Variants in MAML3 observed in about 807,000 individuals in gnomAD.
MAML3 encodes the protein mastermind-like protein 3.
MAML3 carries 27 observed loss-of-function variants against 101.9 expected under a neutral mutation model. That is an observed-to-expected ratio of 0.27 (90% CI 0.20 to 0.37). The LOEUF (loss-of-function observed/expected upper bound fraction) is 0.37, where lower values mean the gene tolerates loss of function less well. Ranked by LOEUF, MAML3 falls within the 10% of genes least tolerant of loss-of-function variation. The probability of loss-of-function intolerance (pLI) is 1.00; values close to 1 mark genes in which losing one functional copy is unlikely to be tolerated. For missense variants in MAML3, 1,316 were observed against 1,444.9 expected, an observed-to-expected ratio of 0.91 and a Z score of 1.45; for synonymous variants, 501 against 555.9, an observed-to-expected ratio of 0.90 and a Z score of 1.39.
At chr4:139,738,718 A>G (rs989914990) in intron 2 of MAML3, among the ~76,000 whole-genome samples, 1 of 148,654 alleles carries the variant, frequency 6.7e-6, no homozygotes, top group Non-Finnish European at 1.5e-5. Flanking sequence ...AGGTACAGAG[A>G]AAAAAAAATG....
At chr4:139,723,255 T>C (rs1279292512) in intron 4 of MAML3, among the ~76,000 whole-genome samples, 6 of 152,140 alleles carry the variant, frequency 3.9e-5, no homozygotes. Context: ...AAGAATAGGA[T>C]TGATCATCTC....
At chr4:140,092,119 C>CGT (rs1728070215) in intron 1 of MAML3, among the ~76,000 whole-genome samples, 1 of 121,868 alleles carries the variant, frequency 8.2e-6, no homozygotes, top group South Asian at 2.8e-4. Flanking sequence ...TATATATATA[C>CGT]GTATATATAT....
chr4:139,948,387 TG>T (rs2110753027), intron 1 of MAML3, among the ~76,000 whole-genome samples: 1 of 152,360 alleles, frequency 6.6e-6, no homozygotes, highest in South Asian at 2.1e-4. Context: ...AACTGCCTCT[TG>T]GGCAATTAGA....
intron 1 of MAML3, among the ~76,000 whole-genome samples, chr4:140,055,334 T>A (rs920345248): frequency 7.2e-5 from 11 of 152,190 alleles, no homozygotes; most frequent in African/African-American, 2.4e-4. Context: ...GTATGTATGA[T>A]AAACCACCAG....
chr4:139,976,742 TTAAG>T (rs1229650572), intron 1 of MAML3, among the ~76,000 whole-genome samples: 1 of 152,254 alleles, frequency 6.6e-6, no homozygotes, highest in African/African-American at 2.4e-5. Context: ...ATTTGCTTAA[TTAAG>T]TTTGATTCTA....
At chr4:140,106,213 A>G (rs1484883676) in intron 1 of MAML3, among the ~76,000 whole-genome samples, 1 of 152,088 alleles carries the variant, frequency 6.6e-6, no homozygotes, top group Non-Finnish European at 1.5e-5. Context: ...TGTTTTTCCA[A>G]AAATCTTTCT....
intron 1 of MAML3, among the ~76,000 whole-genome samples, chr4:139,990,308 T>C (rs1734641377): frequency 6.6e-6 from 1 of 152,110 alleles, no homozygotes; most frequent in African/African-American, 2.4e-5. Context: ...ACCACATGAT[T>C]ATCTCAATAG....
chr4:139,719,917 A>G lies in MAML3; in HGVS notation c.2823T>C (p.Pro941=). 1 of 1,614,064 alleles carries G rather than the reference A, an allele frequency of 6.2e-7. No individual in the cohort carries two copies. Among genetic ancestry groups the G allele is most frequent in the Non-Finnish European group, 8.5e-7 (1 of 1,179,904 alleles). The change falls in exon 5 of 5, where the codon CCT becomes CCC. Residue 941 remains proline (P), a synonymous_variant. Transcript: ENST00000509479. ...QMKGPVGQAL[P]RPQAPPRLQS... is the part of the protein sequence containing the mutation. ...GCAGCCTTGGAGGGGCTTGGGGCCT[A>G]GGCAAGGCCTGGCCTACTGGCCCTT...
chr4:139,809,412 T>C (rs973627757), intron 2 of MAML3, among the ~76,000 whole-genome samples: 1 of 152,200 alleles, frequency 6.6e-6, no homozygotes, highest in East Asian at 1.9e-4. Flanking sequence ...TGTTTATTTT[T>C]TCACTGTACA....
At chr4:139,938,191 G>A (rs1483867258) in intron 1 of MAML3, among the ~76,000 whole-genome samples, 5 of 152,140 alleles carry the variant, frequency 3.3e-5, no homozygotes, top group African/African-American at 1.2e-4. Context: ...CAAACATTTT[G>A]AACTGCTCTC....
At chr4:139,995,451 G>A (rs959171751) in intron 1 of MAML3, among the ~76,000 whole-genome samples, 85 of 152,304 alleles carry the variant, frequency 5.6e-4, no homozygotes, top group African/African-American at 1.8e-3. Context: ...CAATCCACAA[G>A]TGAAGCCATC....
chr4:139,878,518 A>C (rs555922227), intron 2 of MAML3, among the ~76,000 whole-genome samples: 54 of 152,182 alleles, frequency 3.5e-4, no homozygotes, highest in African/African-American at 1.3e-3. Context: ...AATTTTCTAC[A>C]CCTGTGTCGA....
intron 1 of MAML3, among the ~76,000 whole-genome samples, chr4:139,991,755 G>A (rs1275020619): frequency 6.6e-6 from 1 of 152,012 alleles, no homozygotes; most frequent in East Asian, 1.9e-4. Context: ...GCTGAAGCAG[G>A]GGGATCATTG....
chr4:140,137,855 T>C (rs1454302060), intron 1 of MAML3, among the ~76,000 whole-genome samples: 2 of 152,128 alleles, frequency 1.3e-5, no homozygotes, highest in African/African-American at 4.8e-5. Context: ...ACACGAACCC[T>C]ACCAAACCAG....
intron 2 of MAML3, among the ~76,000 whole-genome samples, chr4:139,783,366 A>G (rs1171425011): frequency 1.3e-5 from 2 of 152,182 alleles, no homozygotes; most frequent in African/African-American, 4.8e-5. Context: ...TCAGAGACAA[A>G]AGTGGTGTCT....
Position 139,719,261 on chromosome 4 carries a change from T to C in MAML3, c.*62A>G. Reference sequence around the variant, plus strand: ...AAAAAACAAGGATGGGTCAACATCCTGTTTCTTTTTCACTTTTTAAGCTTT... The same window carrying C: ...AAAAAACAAGGATGGGTCAACATCCCGTTTCTTTTTCACTTTTTAAGCTTT... On this transcript the variant is annotated 3_prime_UTR_variant, in exon 5 of 5. Coordinates refer to ENST00000509479, the MANE Select transcript of MAML3 (RefSeq NM_018717.5). The C allele has an allele frequency of 6.6e-7, 1 of 1,505,588 alleles. No individual in the cohort carries two copies. The highest frequency in any genetic ancestry group is 8.9e-7 in the Non-Finnish European group (1 of 1,125,862). The allele number at this position is 1,505,588 out of a possible 1,614,324, so 93.3% of individuals were successfully genotyped here.
intron 2 of MAML3, among the ~76,000 whole-genome samples, chr4:139,783,637 T>A (rs909524644): frequency 3.3e-5 from 5 of 152,226 alleles, no homozygotes; most frequent in African/African-American, 1.2e-4. Flanking sequence ...TGTTCCTCTC[T>A]GGTTCAGACT....
At chr4:139,797,854 C>G (rs962010915) in intron 2 of MAML3, among the ~76,000 whole-genome samples, 7 of 151,990 alleles carry the variant, frequency 4.6e-5, no homozygotes, top group Non-Finnish European at 1.0e-4. Flanking sequence ...ATAGATGAAG[C>G]AATGACTATG....
rs544324688 is a variant in MAML3 at position 139,918,357 on chromosome 4, G to A, written c.469-27390C>T. On this transcript the variant is annotated intron_variant, in intron 1 of 4. Transcript: ENST00000509479. Reference sequence around the variant, plus strand: ...TCACCACCACACTCCAGGTGGCCGCGCTGGCCTCTCCGAGGGCTCTTCCCC... The same window carrying A: ...TCACCACCACACTCCAGGTGGCCGCACTGGCCTCTCCGAGGGCTCTTCCCC... Among the ~76,000 whole-genome samples the A allele has an allele frequency of 5.3e-5, 8 of 152,182 alleles. No individual in the cohort carries two copies. The South Asian group carries it at 1.0e-3, about 20-fold the overall frequency.
Sources: allele counts gnomAD v4.1 joint callset (sites outside exome capture counted in the v4.1 genomes callset), GRCh38; gene constraint gnomAD v4.1.1; transcripts MANE v1.5; gene names NCBI Gene and HGNC (gene_info 2026-07-23, HGNC 2026-07-21).